The following DMGDH variants were observed in gnomAD, a reference collection of about 807,000 sequenced individuals.
The protein encoded by DMGDH is dimethylglycine dehydrogenase, mitochondrial.
A neutral mutation model predicts 95.2 loss-of-function variants in DMGDH; 76 were observed. That is an observed-to-expected ratio of 0.80 (90% CI 0.66 to 0.97). The LOEUF (loss-of-function observed/expected upper bound fraction) is 0.97, where lower values mean the gene tolerates loss of function less well. Among genes scored for constraint, DMGDH ranks in the 50% least tolerant of loss-of-function variants. DMGDH has a pLI of 0.00. For synonymous variants in DMGDH, 345 were observed against 377.6 expected (o/e 0.91, Z 1.00); for missense variants, 987 against 1,055.0 (o/e 0.94, Z 0.89).
intron 14 of DMGDH, chr5:79,021,741 A>C (rs1434299687): frequency 1.6e-6 from 2 of 1,279,700 alleles, no homozygotes; most frequent in Non-Finnish European, 2.0e-6. Flanking sequence ...TCTATTAATA[A>C]AAGGTAGTCC....
At chr5:79,022,939 G>A (rs1344940863) in intron 14 of DMGDH, among the ~76,000 whole-genome samples, 1 of 152,138 alleles carries the variant, frequency 6.6e-6, no homozygotes, top group East Asian at 1.9e-4. Context: ...CTATCAGAGG[G>A]AGCAATCTGC....
intron 5 of DMGDH, among the ~76,000 whole-genome samples, chr5:79,050,453 G>A (rs745565674): frequency 5.9e-5 from 9 of 151,866 alleles, no homozygotes; most frequent in Non-Finnish European, 1.2e-4. Flanking sequence ...ACTGCCTCAT[G>A]CTTATTTTAG....
intron 14 of DMGDH, among the ~76,000 whole-genome samples, chr5:79,019,380 A>G (rs1000267669): frequency 6.6e-6 from 1 of 152,092 alleles, no homozygotes; most frequent in African/African-American, 2.4e-5. Context: ...ATGTTTTTCT[A>G]CTTTCCTATG....
At chr5:79,000,982 C>T in intron 15 of DMGDH, 1 of 700,736 alleles carries the variant, frequency 1.4e-6, no homozygotes, top group South Asian at 1.7e-5. Flanking sequence ...CATTTGGGGT[C>T]ATCTATATCG....
intron 1 of DMGDH, among the ~76,000 whole-genome samples, chr5:79,067,517 T>A (rs1311341529): frequency 6.6e-6 from 1 of 152,234 alleles, no homozygotes; most frequent in Admixed American, 6.5e-5. Context: ...CCAATCCAAC[T>A]GAACAGCTAT....
At chr5:79,051,552 T>C (rs1754863463) in intron 4 of DMGDH, 61 bp from the exon 5 acceptor site, 19 of 1,446,916 alleles carry the variant, frequency 1.3e-5, no homozygotes, top group Non-Finnish European at 1.8e-5. Flanking sequence ...TCAGTAAAAA[T>C]ATATCCTGCT....
chr5:79,045,040 C>T (rs1348542311), intron 5 of DMGDH, among the ~76,000 whole-genome samples: 1 of 152,080 alleles, frequency 6.6e-6, no homozygotes, highest in Non-Finnish European at 1.5e-5. Flanking sequence ...TCCTCTAAGC[C>T]CTATTCTCCC....
intron 2 of DMGDH, among the ~76,000 whole-genome samples, chr5:79,062,551 C>T (rs745640265): frequency 4.7e-4 from 72 of 152,068 alleles, no homozygotes; most frequent in Non-Finnish European, 7.9e-4. Context: ...ACTTCCTCTC[C>T]CATCCCTAAA....
chr5:79,008,619 G>A (rs1373991778), intron 14 of DMGDH, among the ~76,000 whole-genome samples: 3 of 152,274 alleles, frequency 2.0e-5, no homozygotes, highest in African/African-American at 7.2e-5. Flanking sequence ...AGAGCTAGGC[G>A]AGGGTTGAGA....
intron 14 of DMGDH, among the ~76,000 whole-genome samples, chr5:79,019,235 C>T (rs1001508956): frequency 1.2e-4 from 19 of 152,126 alleles, no homozygotes; most frequent in African/African-American, 4.3e-4. Context: ...AATTCACTTA[C>T]TACCCAGTTC....
intron 15 of DMGDH, among the ~76,000 whole-genome samples, chr5:79,002,664 C>T (rs1482785359): frequency 6.6e-6 from 1 of 152,166 alleles, no homozygotes; most frequent in African/African-American, 2.4e-5. Flanking sequence ...CATTTGTACC[C>T]TATCTCCAGC....
intron 14 of DMGDH, among the ~76,000 whole-genome samples, chr5:79,005,850 A>AT (rs1306617376): frequency 2.0e-5 from 3 of 151,748 alleles, no homozygotes; most frequent in Admixed American, 6.6e-5. Flanking sequence ...AAAATGCAGT[A>AT]TTTTTTTTCT....
intron 2 of DMGDH, among the ~76,000 whole-genome samples, chr5:79,056,708 A>G (rs892637459): frequency 6.6e-6 from 1 of 151,882 alleles, no homozygotes; most frequent in Non-Finnish European, 1.5e-5. Flanking sequence ...ACAAAAAATT[A>G]GCCAGGCATG....
intron 6 of DMGDH, among the ~76,000 whole-genome samples, chr5:79,043,610 G>A (rs1056087770): frequency 1.3e-5 from 2 of 152,166 alleles, no homozygotes; most frequent in Non-Finnish European, 1.5e-5. Context: ...TGTATTCCCT[G>A]TAATATTTCA....
In DMGDH at chr5:78,998,263, T is replaced by C. The variant is rs371315356; in HGVS notation, c.2420A>G (p.Tyr807Cys). 6.2e-7 allele frequency: 1 copy of C among 1,614,132 alleles called. No individual in the cohort carries two copies. The highest frequency in any genetic ancestry group is 8.5e-7 in the Non-Finnish European group (1 of 1,179,984). Reference sequence around the variant, plus strand: ...GAAAGCCAGACTCTTCTGGATGCTGTAGCTATAGCTTCCAGATGTCGTGTT... The same window carrying C: ...GAAAGCCAGACTCTTCTGGATGCTGCAGCTATAGCTTCCAGATGTCGTGTT... ...VGNTTSGSYS[Y>C]SIQKSLAFAY... Residue 807 changes from tyrosine to cysteine, a missense_variant, in exon 16 of 16, where the codon TAC becomes TGC. Transcript: ENST00000255189.
chr5:79,011,570 A>G (rs968232745), intron 14 of DMGDH, among the ~76,000 whole-genome samples: 3 of 152,220 alleles, frequency 2.0e-5, no homozygotes, highest in African/African-American at 7.2e-5. Context: ...AGACTGGGTA[A>G]TATATAAAGA....
At chr5:79,003,085 G>A (rs1172021783) in intron 15 of DMGDH, among the ~76,000 whole-genome samples, 1 of 152,192 alleles carries the variant, frequency 6.6e-6, no homozygotes, top group Non-Finnish European at 1.5e-5. Flanking sequence ...GATGACGTGG[G>A]AATACAGAAT....
rs377605503 is a variant in DMGDH at position 78,998,323 on chromosome 5, C to T, written c.2386-26G>A. The T allele has an allele frequency of 6.9e-6, 11 of 1,598,384 alleles. No individual in the cohort carries two copies. In the African/African-American group the frequency reaches 1.5e-4, roughly 21 times the overall value. ...CTGGAAAACAAGACCCAACAGTCCT[C>T]AGCATCTTGGTCACAGCTCTGTGCT... On this transcript the variant is annotated intron_variant, in intron 15 of 15. Transcript: ENST00000255189.
At chr5:79,043,827 G>C (rs1754589935) in intron 6 of DMGDH, among the ~76,000 whole-genome samples, 1 of 152,296 alleles carries the variant, frequency 6.6e-6, no homozygotes, top group East Asian at 1.9e-4. Flanking sequence ...TATGTAGCAT[G>C]GGAAGTACTC....
Sources: allele counts gnomAD v4.1 joint callset (sites outside exome capture counted in the v4.1 genomes callset), GRCh38; gene constraint gnomAD v4.1.1; transcripts MANE v1.5; gene names NCBI Gene and HGNC (gene_info 2026-07-23, HGNC 2026-07-21).